PLEKHA2: variants seen among roughly 807,000 people sequenced by gnomAD.
PLEKHA2 encodes pleckstrin homology domain containing A2.
In PLEKHA2, 28 loss-of-function variants were observed where a neutral mutation model predicts 53.2. The observed-to-expected ratio is 0.53, with a 90% CI of 0.39 to 0.72. PLEKHA2 has a LOEUF of 0.72. Among genes scored for constraint, PLEKHA2 ranks in the 30% least tolerant of loss-of-function variants. The pLI is 0.00. For missense variants in PLEKHA2, 426 were observed against 537.9 expected (o/e 0.79, Z 2.06); for synonymous variants, 193 against 196.4 (o/e 0.98, Z 0.14).
intron 2 of PLEKHA2, among the ~76,000 whole-genome samples, chr8:38,934,829 TA>T (rs1344303494): frequency 5.9e-5 from 9 of 151,876 alleles, no homozygotes; most frequent in African/African-American, 1.7e-4. Context: ...TATATATATA[TA>T]TTTTTATTTC....
intron 10 of PLEKHA2, among the ~76,000 whole-genome samples, chr8:38,968,065 C>T (rs975436353): frequency 6.6e-6 from 1 of 152,028 alleles, no homozygotes; most frequent in Non-Finnish European, 1.5e-5. Flanking sequence ...TGAGAAAAGC[C>T]CCATTTCTGA....
At chr8:38,947,798 T>C (rs1292488774) in intron 5 of PLEKHA2, among the ~76,000 whole-genome samples, 1 of 151,388 alleles carries the variant, frequency 6.6e-6, no homozygotes, top group African/African-American at 2.4e-5. Flanking sequence ...CTCTAAAAAG[T>C]TACTTTCTGG....
At chr8:38,902,226 G>T (rs1045320096) in intron 1 of PLEKHA2, among the ~76,000 whole-genome samples, 1 of 137,376 alleles carries the variant, frequency 7.3e-6, no homozygotes, top group Admixed American at 7.4e-5. Context: ...GGTGTGGGGG[G>T]GGGTGGTGGG....
chr8:38,905,021 A>C (rs989741581), intron 1 of PLEKHA2, among the ~76,000 whole-genome samples: 3 of 152,182 alleles, frequency 2.0e-5, no homozygotes, highest in Admixed American at 1.3e-4. Flanking sequence ...TGAAGACTTA[A>C]GCAACTTTTC....
intron 1 of PLEKHA2, chr8:38,902,132 TCCTCACCTTA>T (rs2152362408): frequency 6.7e-6 from 1 of 148,232 alleles, no homozygotes; most frequent in East Asian, 2.0e-4. Flanking sequence ...ACCAACTTCT[TCCTCACCTTA>T]CACGCTTCCC....
chr8:38,947,213 C>T (rs1834731970), intron 5 of PLEKHA2, among the ~76,000 whole-genome samples: 1 of 152,190 alleles, frequency 6.6e-6, no homozygotes, highest in African/African-American at 2.4e-5. Flanking sequence ...GTGGCTCACG[C>T]TTGTAATTCC....
Position 38,953,294 on chromosome 8 carries a change from C to A in PLEKHA2, c.703-3C>A. Reference sequence around the variant, plus strand: ...TTACCTGTCTTTCTGTTCTTTCCACCAGGACCGAGAACCACTGCGCACCAT... The same window carrying A: ...TTACCTGTCTTTCTGTTCTTTCCACAAGGACCGAGAACCACTGCGCACCAT... On this transcript the variant is annotated splice_polypyrimidine_tract_variant and splice_region_variant and intron_variant, in intron 8 of 11. Coordinates refer to ENST00000617275, the MANE Select transcript of PLEKHA2 (RefSeq NM_021623.2). 1 of 1,611,208 alleles carries A rather than the reference C, an allele frequency of 6.2e-7. No individual in the cohort carries two copies. The highest frequency in any genetic ancestry group is 8.5e-7 in the Non-Finnish European group (1 of 1,177,350).
chr8:38,958,716 G>T (rs1021375249), intron 10 of PLEKHA2, among the ~76,000 whole-genome samples: 1 of 152,162 alleles, frequency 6.6e-6, no homozygotes, highest in East Asian at 1.9e-4. Flanking sequence ...CAGGGACAAG[G>T]TTTAACCTGT....
At chr8:38,915,392 G>C (rs562836945) in intron 1 of PLEKHA2, among the ~76,000 whole-genome samples, 1 of 152,378 alleles carries the variant, frequency 6.6e-6, no homozygotes, top group East Asian at 1.9e-4. Flanking sequence ...GAAAGTCCAA[G>C]GGCAGGGTGT....
intron 7 of PLEKHA2, 26 bp from the exon 8 acceptor site, chr8:38,952,610 G>A (rs1834866728): frequency 4.4e-6 from 7 of 1,599,670 alleles, no homozygotes; most frequent in Admixed American, 1.7e-5. Context: ...CTCGCTAATG[G>A]TCTGCCTTTT....
At chr8:38,962,315 C>T (rs1158278361) in intron 10 of PLEKHA2, among the ~76,000 whole-genome samples, 1 of 151,856 alleles carries the variant, frequency 6.6e-6, no homozygotes, top group Non-Finnish European at 1.5e-5. Flanking sequence ...CCAGTGAGAC[C>T]CCTGTCTCTA....
intron 3 of PLEKHA2, among the ~76,000 whole-genome samples, chr8:38,942,534 T>A (rs1398853529): frequency 2.0e-5 from 3 of 152,096 alleles, no homozygotes; most frequent in African/African-American, 7.2e-5. Context: ...AAGAATACCC[T>A]TGGCTGGAGG....
chr8:38,914,084 T>A (rs1053062023), intron 1 of PLEKHA2, among the ~76,000 whole-genome samples: 11 of 152,234 alleles, frequency 7.2e-5, no homozygotes, highest in Admixed American at 5.9e-4. Context: ...CCACCTCTTT[T>A]ACTGCAGCTC....
At chr8:38,941,288 T>C (rs1834608181) in intron 3 of PLEKHA2, among the ~76,000 whole-genome samples, 3 of 152,182 alleles carry the variant, frequency 2.0e-5, no homozygotes, top group Admixed American at 2.0e-4. Flanking sequence ...ACTCCTTACC[T>C]CAAGTGATCC....
intron 3 of PLEKHA2, 35 bp from the exon 4 acceptor site, chr8:38,943,754 A>G: frequency 6.8e-7 from 1 of 1,479,656 alleles, no homozygotes; most frequent in Non-Finnish European, 9.1e-7. Flanking sequence ...TGTAAGACAC[A>G]TATTCATGTT....
chr8:38,918,110 C>T, intron 2 of PLEKHA2, 40 bp downstream of exon 2: 1 of 1,595,450 alleles, frequency 6.3e-7, no homozygotes, highest in Non-Finnish European at 8.5e-7. Context: ...GACTGGGTGC[C>T]CATCACTGCG....
In PLEKHA2 at chr8:38,909,287, A is replaced by G. The variant is rs532186387; in HGVS notation, c.-24+7842A>G. 3.3e-5 allele frequency among the ~76,000 whole-genome samples: 5 copies of G among 152,324 alleles called. No individual in the cohort carries two copies. In the South Asian group the frequency reaches 1.0e-3, roughly 32 times the overall value. The stretch of plus-strand genomic sequence containing the variant: ...TGTTGATTGACTTGGATGGAATCCT[A>G]GAAGTAGAATCACTGGGTCAAAGGG... On this transcript the variant is annotated intron_variant, in intron 1 of 11. Transcript: ENST00000617275.
intron 2 of PLEKHA2, 133 bp downstream of exon 2, chr8:38,918,203 C>G: frequency 2.5e-6 from 3 of 1,188,652 alleles, no homozygotes; most frequent in Non-Finnish European, 3.5e-6. Context: ...GGGGACAACC[C>G]TACAACACAC....
In PLEKHA2 at chr8:38,969,940, G is replaced by A. The variant is rs1316833827; in HGVS notation, c.*157G>A. On this transcript the variant is annotated 3_prime_UTR_variant, in exon 12 of 12. Transcript: ENST00000617275. ...GGGAGGGAGGGGCCCATCCAGCTGG[G>A]CTGTGTGTGTGTGTGTGTGTGTGTG... The A allele has an allele frequency of 1.2e-6, 1 of 825,732 alleles. No individual in the cohort carries two copies. Among genetic ancestry groups the A allele is most frequent in the Non-Finnish European group, 1.8e-6 (1 of 568,826 alleles). 51.2% of individuals were successfully genotyped at this position (825,732 alleles called of 1,614,324 possible). A position where few individuals can be genotyped will look rare whatever the true frequency, so the allele number is the denominator to read the frequency against.
Sources: gnomAD v4.1 joint callset for allele counts (sites outside exome capture counted in the v4.1 genomes callset) on GRCh38, gnomAD v4.1.1 for gene constraint, MANE v1.5 for transcripts, NCBI Gene and HGNC (gene_info 2026-07-23, HGNC 2026-07-21) for gene names.